Variants in FAM184B observed in about 807,000 individuals in gnomAD.
FAM184B encodes the protein protein FAM184B.
Under a neutral mutation model 135.9 loss-of-function variants are expected in FAM184B, and 111 were observed. The observed-to-expected ratio is 0.82, with a 90% CI of 0.70 to 0.96. The LOEUF (loss-of-function observed/expected upper bound fraction) is 0.96, where lower values mean the gene tolerates loss of function less well. Among genes scored for constraint, FAM184B ranks in the 40% least tolerant of loss-of-function variants. The pLI is 0.00. For missense variants in FAM184B, 1,375 were observed against 1,323.9 expected, an observed-to-expected ratio of 1.04 and a Z score of -0.60; for synonymous variants, 552 against 524.8, an observed-to-expected ratio of 1.05 and a Z score of -0.71.
chr4:17,779,598 C>T (rs993734091), intron 1 of FAM184B, among the ~76,000 whole-genome samples: 30 of 152,138 alleles, frequency 2.0e-4, no homozygotes, highest in Admixed American at 7.9e-4. Context: ...AGGGCAAGAC[C>T]ATATCTTACT....
chr4:17,705,967 C>T, intron 3 of FAM184B, 76 bp from the exon 4 acceptor site: 1 of 1,524,918 alleles, frequency 6.6e-7, no homozygotes, highest in Non-Finnish European at 8.8e-7. Flanking sequence ...TGCTGTCAGG[C>T]CCCCGTTCCG....
chr4:17,727,959 G>A (rs1047163829), intron 1 of FAM184B, among the ~76,000 whole-genome samples: 1 of 152,028 alleles, frequency 6.6e-6, no homozygotes, highest in African/African-American at 2.4e-5. Context: ...CCAGCAGTTG[G>A]CCATTGAGTT....
At chr4:17,658,177 T>A (rs1715820801) in intron 10 of FAM184B, among the ~76,000 whole-genome samples, 173 bp downstream of exon 10, 1 of 152,136 alleles carries the variant, frequency 6.6e-6, no homozygotes, top group African/African-American at 2.4e-5. Context: ...CTGAGCAAGT[T>A]GCAAAATCTC....
chr4:17,643,049 G>C (rs1490557453), intron 12 of FAM184B, among the ~76,000 whole-genome samples: 1 of 152,242 alleles, frequency 6.6e-6, no homozygotes, highest in African/African-American at 2.4e-5. Context: ...GCATGATGTG[G>C]GATGCCCGTG....
At chr4:17,635,639 A>G (rs899036118) in intron 15 of FAM184B, among the ~76,000 whole-genome samples, 1 of 151,500 alleles carries the variant, frequency 6.6e-6, no homozygotes, top group South Asian at 2.1e-4. Flanking sequence ...CTCTGTAAAA[A>G]CATCAGTATG....
chr4:17,750,988 T>C (rs1444621454), intron 1 of FAM184B, among the ~76,000 whole-genome samples: 2 of 152,120 alleles, frequency 1.3e-5, no homozygotes, highest in Admixed American at 1.3e-4. Flanking sequence ...GAAGGACTTC[T>C]GAGAAAGATT....
chr4:17,636,494 G>C (rs766723991), intron 15 of FAM184B, 34 bp downstream of exon 15: 36 of 1,516,600 alleles, frequency 2.4e-5, no homozygotes, highest in Non-Finnish European at 1.8e-5. Context: ...TGCCCGGCCA[G>C]GTGCGTGGGT....
intron 1 of FAM184B, among the ~76,000 whole-genome samples, chr4:17,712,556 A>T (rs1717304411): frequency 6.6e-6 from 1 of 152,180 alleles, no homozygotes; most frequent in African/African-American, 2.4e-5. Context: ...ACTACACTCT[A>T]ACTTCATTGC....
intron 1 of FAM184B, among the ~76,000 whole-genome samples, chr4:17,751,336 A>G (rs900773874): frequency 6.7e-6 from 1 of 150,142 alleles, no homozygotes; most frequent in African/African-American, 2.4e-5. Context: ...AAAGCAGCAC[A>G]TAGGAAAAAG....
intron 15 of FAM184B, 90 bp from the exon 16 acceptor site, chr4:17,635,203 A>G: frequency 9.9e-7 from 1 of 1,006,046 alleles, no homozygotes; most frequent in South Asian, 1.5e-5. Flanking sequence ...GGCAGAATAG[A>G]GAAGGAAAGT....
chr4:17,650,432 G>C (rs974836045), intron 11 of FAM184B, among the ~76,000 whole-genome samples: 1 of 152,214 alleles, frequency 6.6e-6, no homozygotes, highest in African/African-American at 2.4e-5. Context: ...CCTTCTTCTT[G>C]GGACTGGTGC....
intron 1 of FAM184B, among the ~76,000 whole-genome samples, chr4:17,732,768 C>T (rs1160289934): frequency 6.6e-6 from 1 of 152,200 alleles, no homozygotes; most frequent in Non-Finnish European, 1.5e-5. Context: ...CAAGGAGGAG[C>T]TGGTACGATT....
intron 7 of FAM184B, among the ~76,000 whole-genome samples, chr4:17,678,381 C>G (rs149946117): frequency 6.6e-6 from 1 of 152,006 alleles, no homozygotes; most frequent in African/African-American, 2.4e-5. Flanking sequence ...CCAACATCGA[C>G]CAAGCTGGGA....
chr4:17,769,694 G>C (rs6857330), intron 1 of FAM184B, among the ~76,000 whole-genome samples: 74,293 of 151,912 alleles, frequency 0.49, 18,459 homozygotes, highest in African/African-American at 0.52. Flanking sequence ...CCCACTCCCC[G>C]ATAAGATGAC....
rs1398683071 is a variant in FAM184B, at chr4:17,671,859, A to C, written c.1597-7200T>G. 3.3e-5 allele frequency among the ~76,000 whole-genome samples: 5 copies of C among 151,990 alleles called. No individual in the cohort carries two copies. In the East Asian group the frequency reaches 9.7e-4, roughly 30 times the overall value. ...AACACAATAACTGAAATGAAAATTCACTAGAGGAATTTAATAGAAAACTAT... is the reference window on the plus strand; with the variant it reads ...AACACAATAACTGAAATGAAAATTCCCTAGAGGAATTTAATAGAAAACTAT... On this transcript the variant is annotated intron_variant, in intron 7 of 17. Coordinates refer to ENST00000265018, the MANE Select transcript of FAM184B (RefSeq NM_015688.2).
At chr4:17,736,316 A>G (rs1169233850) in intron 1 of FAM184B, among the ~76,000 whole-genome samples, 2 of 152,228 alleles carry the variant, frequency 1.3e-5, no homozygotes, top group Admixed American at 6.5e-5. Context: ...CACTTAAGTA[A>G]AAGTGAATCC....
intron 8 of FAM184B, among the ~76,000 whole-genome samples, chr4:17,663,615 A>AAC (rs113627829): frequency 8.8e-4 from 132 of 150,542 alleles, no homozygotes; most frequent in African/African-American, 3.0e-3. Context: ...TCCCATTCAC[A>AAC]ACACACACAC....
intron 1 of FAM184B, among the ~76,000 whole-genome samples, chr4:17,776,939 T>TGGTA (rs1466567236): frequency 3.3e-5 from 5 of 152,208 alleles, no homozygotes; most frequent in African/African-American, 1.2e-4. Flanking sequence ...TAATGTATGG[T>TGGTA]GGTACAGTCA....
In FAM184B at chr4:17,781,410, C is replaced by T. The variant is rs1719031336; in HGVS notation, c.-111G>A. The T allele has an allele frequency of 2.3e-6, 3 of 1,314,524 alleles. No homozygotes were observed. The highest frequency in any genetic ancestry group is 3.0e-5 in the East Asian group (1 of 33,356). The allele number at this position is 1,314,524 out of a possible 1,614,324, so 81.4% of individuals were successfully genotyped here. A position where few individuals can be genotyped will look rare whatever the true frequency, so the allele number is the denominator to read the frequency against. ...TGTGGGTTTCTCGGGAGAGGTGGCA[C>T]TGCAGTCCCGTCGCCTGCACCGCCG... On this transcript the variant is annotated 5_prime_UTR_variant, in exon 1 of 18. It adds an upstream start codon to the 5' untranslated region. Coordinates refer to ENST00000265018, the MANE Select transcript of FAM184B (RefSeq NM_015688.2). This position sits in a 1 kb window ranked among gnomAD's most constrained non-coding sequence, Gnocchi z 6.5.
Sources: gnomAD v4.1 joint callset for allele counts (sites outside exome capture counted in the v4.1 genomes callset) on GRCh38, gnomAD v4.1.1 for gene constraint, Gnocchi (gnomAD v3.1) non-coding constraint, MANE v1.5 for transcripts, NCBI Gene and HGNC (gene_info 2026-07-23, HGNC 2026-07-21) for gene names.